NCALD: variants seen among roughly 807,000 people sequenced by gnomAD.
NCALD encodes the protein neurocalcin delta.
In NCALD, 10 loss-of-function variants were observed where a neutral mutation model predicts 18.6. The ratio of observed to expected loss-of-function variants is 0.54; its 90% CI spans 0.33 to 0.91. The LOEUF (loss-of-function observed/expected upper bound fraction) is 0.91, where lower values mean the gene tolerates loss of function less well. Ranked by LOEUF, NCALD falls within the 40% of genes least tolerant of loss-of-function variation. The pLI, the probability that NCALD is intolerant of heterozygous loss-of-function variation, is 0.03. For synonymous variants in NCALD, 88 were observed against 87.4 expected (o/e 1.01, Z -0.04); for missense variants, 184 against 247.6 (o/e 0.74, Z 1.72).
intron 1 of NCALD, among the ~76,000 whole-genome samples, chr8:101,767,852 C>T (rs990170907): frequency 6.6e-6 from 1 of 152,212 alleles, no homozygotes. Context: ...CTGCTTGTGG[C>T]CACTCTTCAC....
chr8:101,805,942 AT>A (rs1813085265), intron 4 of NCALD, among the ~76,000 whole-genome samples: 1 of 152,202 alleles, frequency 6.6e-6, no homozygotes, highest in South Asian at 2.1e-4. Context: ...CATTTAAGAA[AT>A]ACTAGAAAAA....
chr8:102,111,251 A>G lies in NCALD; in HGVS notation c.-210+12986T>C, dbSNP rs896059133. ...TTTCCCAAGAAACTTCAGAGGCTAG[A>G]ATGGACTTCTGGTTCTCACTGCTTG... On this transcript the variant is annotated intron_variant, in intron 1 of 6. Coordinates refer to the NCALD transcript ENST00000311028. Among the ~76,000 whole-genome samples, 9 of 152,180 alleles carry G rather than the reference A, an allele frequency of 5.9e-5. 1 individual carries two copies. Among genetic ancestry groups the G allele is most frequent in the Admixed American group, 6.5e-5 (1 of 15,278 alleles).
In NCALD at chr8:101,965,942, T is replaced by C. The variant is rs936637535; in HGVS notation, c.-156-50084A>G. On this transcript the variant is annotated intron_variant, in intron 2 of 6. Coordinates refer to the NCALD transcript ENST00000311028. ...ATAAATTGAAATAGATCAAAAAGGGTAAATTGATAGGTTTGACTGGATGAA... is the reference window on the plus strand; with the variant it reads ...ATAAATTGAAATAGATCAAAAAGGGCAAATTGATAGGTTTGACTGGATGAA... Among the ~76,000 whole-genome samples, 26 of 152,192 alleles carry C rather than the reference T, an allele frequency of 1.7e-4. 1 individual carries two copies. The highest frequency in any genetic ancestry group is 4.2e-4 in the South Asian group (2 of 4,818).
intron 2 of NCALD, among the ~76,000 whole-genome samples, chr8:101,979,555 A>G (rs7814225): frequency 0.16 from 25,011 of 152,238 alleles, 3,070 homozygotes; most frequent in African/African-American, 0.34. Flanking sequence ...GGATGGGAAG[A>G]GGCATCTGCA....
intron 4 of NCALD, among the ~76,000 whole-genome samples, chr8:101,860,534 G>A (rs1002926967): frequency 6.6e-6 from 1 of 152,286 alleles, no homozygotes; most frequent in South Asian, 2.1e-4. Flanking sequence ...TCCTGGAGCT[G>A]TAGCCATTGG....
At chr8:101,767,677 G>T (rs527275564) in intron 1 of NCALD, among the ~76,000 whole-genome samples, 3 of 152,310 alleles carry the variant, frequency 2.0e-5, no homozygotes, top group African/African-American at 7.2e-5. Flanking sequence ...TCCATGTTGG[G>T]ATTTGCCCAG....
chr8:101,690,175 A>C, intron 3 of NCALD: 2 of 765,718 alleles, frequency 2.6e-6, no homozygotes, highest in Non-Finnish European at 3.0e-6. Flanking sequence ...CTCTTCCAGG[A>C]AGGCCTGTCA....
chr8:102,122,034 G>C (rs922676266), intron 1 of NCALD, among the ~76,000 whole-genome samples: 3 of 152,196 alleles, frequency 2.0e-5, no homozygotes, highest in African/African-American at 7.2e-5. Context: ...TTGATACATA[G>C]ATACATAGAT....
chr8:102,051,005 AT>A (rs919466702), intron 1 of NCALD, among the ~76,000 whole-genome samples: 5 of 150,726 alleles, frequency 3.3e-5, no homozygotes, highest in Non-Finnish European at 7.4e-5. Context: ...ATATAAAGTA[AT>A]TTTTTTATAT....
intron 4 of NCALD, among the ~76,000 whole-genome samples, chr8:101,833,947 C>T (rs924493245): frequency 6.6e-6 from 1 of 152,330 alleles, no homozygotes; most frequent in Non-Finnish European, 1.5e-5. Context: ...TGGGTGAGAA[C>T]CTGGCTTCTG....
At chr8:101,757,570 A>C (rs1028454098) in intron 1 of NCALD, among the ~76,000 whole-genome samples, 1 of 152,222 alleles carries the variant, frequency 6.6e-6, no homozygotes, top group African/African-American at 2.4e-5. Flanking sequence ...AAGTATTTTG[A>C]ATTCCAATGT....
intron 2 of NCALD, among the ~76,000 whole-genome samples, chr8:101,963,217 G>A (rs1008833137): frequency 7.2e-5 from 11 of 152,064 alleles, no homozygotes; most frequent in African/African-American, 2.2e-4. Flanking sequence ...AAGCCTCTTC[G>A]AAATGAAATG....
chr8:102,096,879 T>C (rs73279695), intron 1 of NCALD, among the ~76,000 whole-genome samples: 17,691 of 152,244 alleles, frequency 0.12, 1,086 homozygotes, highest in Middle Eastern at 0.13. Flanking sequence ...TCCAATTATT[T>C]GTTCAAAATG....
chr8:102,047,635 G>A (rs1823293923), intron 1 of NCALD, among the ~76,000 whole-genome samples: 1 of 152,190 alleles, frequency 6.6e-6, no homozygotes, highest in Non-Finnish European at 1.5e-5. Flanking sequence ...AACGATCCTG[G>A]TGAAAGAAAA....
Position 101,954,859 on chromosome 8 carries a change from A to G in NCALD, c.-156-39001T>C, listed in dbSNP as rs115356511. 9.2e-3 allele frequency among the ~76,000 whole-genome samples: 1,404 copies of G among 152,308 alleles called. 15 individuals are homozygous for G. The highest frequency in any genetic ancestry group is 0.027 in the Middle Eastern group (8 of 294). ...CTAGAATCATAATATTTTCATGAAC[A>G]AGTATTGCAGAGCTGGGACGAGGAG... On this transcript the variant is annotated intron_variant, in intron 2 of 6. Coordinates refer to the NCALD transcript ENST00000311028.
intron 1 of NCALD, among the ~76,000 whole-genome samples, chr8:101,753,063 G>A (rs538434516): frequency 3.8e-4 from 58 of 152,214 alleles, no homozygotes; most frequent in African/African-American, 1.3e-3. Context: ...GAAAGATAGC[G>A]GGAGGCACAG....
At chr8:101,741,503 T>C (rs1395394446) in intron 1 of NCALD, among the ~76,000 whole-genome samples, 1 of 152,142 alleles carries the variant, frequency 6.6e-6, no homozygotes. Context: ...TATAGTCATG[T>C]AATAAATGGC....
intron 1 of NCALD, among the ~76,000 whole-genome samples, chr8:102,040,081 A>G (rs1180701189): frequency 6.6e-6 from 1 of 152,206 alleles, no homozygotes; most frequent in Non-Finnish European, 1.5e-5. Flanking sequence ...CAGGGATGCA[A>G]TAACATGTAC....
intron 2 of NCALD, among the ~76,000 whole-genome samples, chr8:101,995,804 A>G (rs548936072): frequency 1.6e-3 from 248 of 152,312 alleles, no homozygotes; most frequent in African/African-American, 5.3e-3. Flanking sequence ...TGATCTACCT[A>G]TAACACCACA....
Sources: allele counts gnomAD v4.1 joint callset (sites outside exome capture counted in the v4.1 genomes callset), GRCh38; gene constraint gnomAD v4.1.1; transcripts MANE v1.5; gene names NCBI Gene and HGNC (gene_info 2026-07-23, HGNC 2026-07-21).